Variants in MPHOSPH9 observed in about 807,000 individuals in gnomAD.
The protein encoded by MPHOSPH9 is M-phase phosphoprotein 9.
A neutral mutation model predicts 145.5 loss-of-function variants in MPHOSPH9; 88 were observed. The observed-to-expected ratio is 0.60, with a 90% CI of 0.51 to 0.72. The LOEUF (loss-of-function observed/expected upper bound fraction) is 0.72. MPHOSPH9 is among the 30% of genes least tolerant of loss of function. The pLI is 0.00. For synonymous variants in MPHOSPH9, 435 were observed against 486.2 expected (o/e 0.89, Z 1.39); for missense variants, 1,238 against 1,386.6 (o/e 0.89, Z 1.70).
In MPHOSPH9 at chr12:123,214,763, C is replaced by G. The variant is rs369025737; in HGVS notation, c.1068G>C (p.Trp356Cys). ...LSKPDETPNA[W>C]MSDSGTGLTY... Reference sequence around the variant, plus strand: ...TCATACCTGTTCCTGAATCAGACATCCAAGCATTTGGAGTTTCATCTGGTT... The same window carrying G: ...TCATACCTGTTCCTGAATCAGACATGCAAGCATTTGGAGTTTCATCTGGTT... The change falls in exon 7 of 24, where the codon TGG becomes TGC. Residue 356 changes from tryptophan to cysteine, a missense_variant. By Grantham distance (215) the Trp-to-Cys change is radical. This residue lies in a region of MPHOSPH9 where 837 missense variants were observed against 897.5 expected (regional missense o/e 0.93). Transcript: ENST00000606320. 3 of 1,612,308 alleles carry G rather than the reference C, an allele frequency of 1.9e-6. No homozygotes were observed. Among genetic ancestry groups the G allele is most frequent in the Non-Finnish European group, 2.5e-6 (3 of 1,178,682 alleles).
chr12:123,166,481 C>A, intron 17 of MPHOSPH9, 174 bp downstream of exon 17: 1 of 753,752 alleles, frequency 1.3e-6, no homozygotes. Flanking sequence ...TGGCAGAGCT[C>A]ATGGAAGTAA....
chr12:123,196,663 T>C (rs575925742), intron 12 of MPHOSPH9, among the ~76,000 whole-genome samples: 1 of 152,298 alleles, frequency 6.6e-6, no homozygotes, highest in East Asian at 1.9e-4. Flanking sequence ...CACTTTTAGT[T>C]ATATACCCAA....
At chr12:123,221,095 T>C (rs1359076082) in intron 5 of MPHOSPH9, among the ~76,000 whole-genome samples, 2 of 152,216 alleles carry the variant, frequency 1.3e-5, no homozygotes, top group Non-Finnish European at 2.9e-5. Flanking sequence ...TGAACATGTA[T>C]GACAAACTTC....
Position 123,156,778 on chromosome 12 carries a change from A to T in MPHOSPH9, c.*29T>A. The T allele has an allele frequency of 1.3e-6, 2 of 1,588,628 alleles. No homozygotes were observed. The highest frequency in any genetic ancestry group is 1.7e-6 in the Non-Finnish European group (2 of 1,160,012). ...ATAATTATACATTAGTGCAAACAAA[A>T]ATGTCTCAAAATTTAATGGCTACAA... On this transcript the variant is annotated 3_prime_UTR_variant, in exon 24 of 24. Transcript: ENST00000606320.
Position 123,210,130 on chromosome 12 carries a change from T to C in MPHOSPH9, c.1120A>G (p.Met374Val), listed in dbSNP as rs746744788. The C allele has an allele frequency of 1.7e-5, 28 of 1,608,088 alleles. No individual in the cohort carries two copies. The African/African-American group carries it at 3.3e-4, about 19-fold the overall frequency. ...LTYWKLEEKD[M>V]HHSLPETLEK... The stretch of plus-strand genomic sequence containing the variant: ...AAAGTTTCAGGCAAAGAGTGGTGCA[T>C]ATCCTTTTCCTCTAGTTTCCAGTAA... Residue 374 changes from methionine to valine, a missense_variant, in exon 8 of 24, where the codon ATG becomes GTG. By Grantham distance (21) the Met-to-Val change is conservative. Transcript: ENST00000606320.
At chr12:123,180,017 T>C in intron 14 of MPHOSPH9, 27 bp from the exon 15 acceptor site, 1 of 1,205,436 alleles carries the variant, frequency 8.3e-7, no homozygotes, top group Non-Finnish European at 1.2e-6. Flanking sequence ...GAAATTCAGA[T>C]AACTGAAGAC....
At chr12:123,195,914 A>G (rs1256471405) in intron 12 of MPHOSPH9, among the ~76,000 whole-genome samples, 1 of 151,938 alleles carries the variant, frequency 6.6e-6, no homozygotes, top group Non-Finnish European at 1.5e-5. Flanking sequence ...GTGTGCCTAT[A>G]GTCTCAACTA....
chr12:123,224,096 G>A (rs948309130), intron 3 of MPHOSPH9, among the ~76,000 whole-genome samples: 16 of 141,310 alleles, frequency 1.1e-4, no homozygotes, highest in African/African-American at 4.0e-4. Context: ...CACCATGTTC[G>A]GCTAATTGCT....
chr12:123,174,367 C>T (rs560557047), intron 16 of MPHOSPH9, among the ~76,000 whole-genome samples: 3 of 139,504 alleles, frequency 2.2e-5, no homozygotes, highest in Non-Finnish European at 4.6e-5. Flanking sequence ...TAGAAAGAGA[C>T]GACTCCAATT....
In MPHOSPH9 at chr12:123,155,315, G is replaced by C. The variant is rs1259495063; in HGVS notation, c.*1492C>G. ...AAGTCTTCAAAAGTTGCAGAGTAGG[G>C]AGCAAAGGTTCAACTGCACTGTCAG... On this transcript the variant is annotated 3_prime_UTR_variant, in exon 24 of 24. Transcript: ENST00000606320. 6.6e-6 allele frequency: 1 copy of C among 152,206 alleles called. No individual in the cohort carries two copies. Among genetic ancestry groups the C allele is most frequent in the Non-Finnish European group, 1.5e-5 (1 of 68,052 alleles). 9.4% of individuals were successfully genotyped at this position (152,206 alleles called of 1,614,324 possible).
intron 16 of MPHOSPH9, among the ~76,000 whole-genome samples, chr12:123,167,449 C>T (rs2044367131): frequency 6.6e-6 from 1 of 152,140 alleles, no homozygotes; most frequent in South Asian, 2.1e-4. Context: ...GCTGCTTGTA[C>T]AAGGAAACAT....
intron 3 of MPHOSPH9, among the ~76,000 whole-genome samples, chr12:123,227,039 G>A (rs187271259): frequency 6.6e-6 from 1 of 152,292 alleles, no homozygotes; most frequent in Admixed American, 6.5e-5. Flanking sequence ...ATGTATCACA[G>A]CTGAATATGG....
chr12:123,217,205 C>CA (rs982033679), intron 6 of MPHOSPH9, among the ~76,000 whole-genome samples: 1 of 144,228 alleles, frequency 6.9e-6, no homozygotes, highest in African/African-American at 2.5e-5. Flanking sequence ...AAATTTCAAC[C>CA]TTTTTTTTTT....
Position 123,193,095 on chromosome 12 carries a change from AAAT to A in MPHOSPH9, c.2241+1288_2241+1290del, listed in dbSNP as rs1292669388. Among the ~76,000 whole-genome samples, 43 of 36,006 alleles carry A rather than the reference AAAT, an allele frequency of 1.2e-3. 1 individual carries two copies. The highest frequency in any genetic ancestry group is 2.8e-3 in the African/African-American group (42 of 15,242). 23.6% of individuals were successfully genotyped at this position (36,006 alleles called of 152,430 possible). On this transcript the variant is annotated intron_variant, in intron 13 of 23. Coordinates refer to ENST00000606320, the MANE Select transcript of MPHOSPH9 (RefSeq NM_022782.4). ...TCAAAAAAAAAAAAAAAAAAAAAAAAAATATATATATATACACACACACACACA... is the reference window on the plus strand; with the variant it reads ...TCAAAAAAAAAAAAAAAAAAAAAAAAATATATATATACACACACACACACA...
In MPHOSPH9 at chr12:123,231,137, A is replaced by G. The variant is rs564089205; in HGVS notation, c.-158-615T>C. Among the ~76,000 whole-genome samples, 126 of 152,336 alleles carry G rather than the reference A, an allele frequency of 8.3e-4. 1 individual carries two copies. Among genetic ancestry groups the G allele is most frequent in the African/African-American group, 3.0e-3 (123 of 41,574 alleles). ...TTCAGGTAATATTTCAGATTTTTAT[A>G]TGTTTAATAATCAAGGTTCTTTTTT... is the stretch of plus-strand genomic sequence containing the variant. On this transcript the variant is annotated intron_variant, in intron 1 of 23. Coordinates refer to ENST00000606320, the MANE Select transcript of MPHOSPH9 (RefSeq NM_022782.4).
intron 4 of MPHOSPH9, 96 bp from the exon 5 acceptor site, chr12:123,221,991 GAT>G: frequency 1.4e-6 from 1 of 728,666 alleles, no homozygotes; most frequent in Non-Finnish European, 2.2e-6. Flanking sequence ...AATATGATGA[GAT>G]ATTATTCTAA....
chr12:123,222,978 GTGTATA>G, intron 4 of MPHOSPH9, 54 bp downstream of exon 4: 1 of 711,312 alleles, frequency 1.4e-6, no homozygotes, highest in Non-Finnish European at 2.2e-6. Flanking sequence ...GTGTGTGTGT[GTGTATA>G]TGTACGTATG....
chr12:123,205,545 C>CA (rs879307605), intron 8 of MPHOSPH9, among the ~76,000 whole-genome samples: 95 of 141,084 alleles, frequency 6.7e-4, no homozygotes, highest in Middle Eastern at 3.6e-3. Context: ...GACTCTGCCT[C>CA]AAAAAAAAAA....
In MPHOSPH9 at chr12:123,180,878, T is replaced by C. The variant is rs577680229; in HGVS notation, c.2289+285A>G. Among the ~76,000 whole-genome samples, 9 of 152,256 alleles carry C rather than the reference T, an allele frequency of 5.9e-5. No homozygotes were observed. The South Asian group carries it at 1.7e-3, about 28-fold the overall frequency. On this transcript the variant is annotated intron_variant, in intron 14 of 23. Transcript: ENST00000606320. ...TCACAAAACAAACAGTATTAAATAA[T>C]AATTTGCATCTGTATGGTACCTTAT...
Sources: gnomAD v4.1 joint callset for allele counts (sites outside exome capture counted in the v4.1 genomes callset) on GRCh38, gnomAD v4.1.1 for gene constraint, gnomAD v4.1.1 regional missense constraint, MANE v1.5 for transcripts, NCBI Gene and HGNC (gene_info 2026-07-23, HGNC 2026-07-21) for gene names.